SPG11: variants seen among roughly 807,000 people sequenced by gnomAD.
The protein encoded by SPG11 is spatacsin.
A neutral mutation model predicts 274.0 loss-of-function variants in SPG11; 222 were observed. That is an observed-to-expected ratio of 0.81 (90% confidence interval 0.73 to 0.91). SPG11 has a LOEUF of 0.91. Ranked by LOEUF, SPG11 falls within the 40% of genes least tolerant of loss-of-function variation. The pLI is 0.00. For synonymous variants in SPG11, 1,144 were observed against 1,039.7 expected (o/e 1.10, Z -1.93); for missense variants, 3,114 against 2,872.7 (o/e 1.08, Z -1.92).
rs1295571112 is a variant in SPG11, at chr15:44,636,940, AAAAAAAAAAAAAAAAAAC to A, written c.1603-3321_1603-3304del. Among the ~76,000 whole-genome samples the A allele has an allele frequency of 7.2e-4, 84 of 116,524 alleles. 1 individual carries two copies. Among genetic ancestry groups the A allele is most frequent in the Non-Finnish European group, 9.9e-4 (55 of 55,806 alleles). The allele number at this position is 116,524 out of a possible 152,430, so 76.4% of individuals were successfully genotyped here. On this transcript the variant is annotated intron_variant, in intron 7 of 39. Coordinates refer to ENST00000261866, the MANE Select transcript of SPG11 (RefSeq NM_025137.4). ...GACTCCATCTCAAAAAAAAAAAAAA[AAAAAAAAAAAAAAAAAAC>A]AAAAAAAAAACACAAATGTGGTAAA... is the stretch of plus-strand genomic sequence containing the variant.
intron 18 of SPG11, 129 bp from the exon 19 acceptor site, chr15:44,608,734 A>T: frequency 1.2e-6 from 1 of 817,734 alleles, no homozygotes; most frequent in Middle Eastern, 3.6e-4. Flanking sequence ...ATAGCATTAG[A>T]CAAGTAGTCA....
intron 33 of SPG11, among the ~76,000 whole-genome samples, 199 bp from the exon 34 acceptor site, chr15:44,570,857 A>G (rs900108007): frequency 2.0e-5 from 3 of 152,176 alleles, no homozygotes; most frequent in African/African-American, 7.2e-5. Flanking sequence ...TCATTCTCTC[A>G]GTCATGGCAC....
chr15:44,659,009 TA>T (rs1370550203), intron 3 of SPG11, 69 bp downstream of exon 3: 2 of 1,488,766 alleles, frequency 1.3e-6, no homozygotes, highest in Non-Finnish European at 1.9e-6. Context: ...AACTAAAGCC[TA>T]AAAAGGCTCA....
rs183402495 is a variant in SPG11 at position 44,641,452 on chromosome 15, C to T, written c.1602+7414G>A. Among the ~76,000 whole-genome samples, 9 of 152,012 alleles carry T rather than the reference C, an allele frequency of 5.9e-5. No homozygotes were observed. In the East Asian group the frequency reaches 1.7e-3, roughly 29 times the overall value. On this transcript the variant is annotated intron_variant, in intron 7 of 39. Coordinates refer to ENST00000261866, the MANE Select transcript of SPG11 (RefSeq NM_025137.4). ...GCCACAGACTAGAATACATCCACCA[C>T]ACAAACAACAAAGAATTGGTATCTA...
chr15:44,644,408 T>C (rs565553284), intron 7 of SPG11, among the ~76,000 whole-genome samples: 2 of 152,228 alleles, frequency 1.3e-5, no homozygotes, highest in East Asian at 1.9e-4. Context: ...AAACTAGGCA[T>C]TGAAGAAACA....
rs8039754 is a variant in SPG11 at position 44,576,635 on chromosome 15, C to T, written c.5867-1594G>A. On this transcript the variant is annotated intron_variant, in intron 30 of 39. Transcript: ENST00000261866. ...CTGCACTCCAGCCTGGGCGACAGAG[C>T]GAGACTCTGTCTCAAAAAAAAAAGA... Among the ~76,000 whole-genome samples the T allele has an allele frequency of 7.7e-3, 1,131 of 147,370 alleles. 15 individuals are homozygous for T. Among genetic ancestry groups the T allele is most frequent in the African/African-American group, 0.026 (1,035 of 39,912 alleles).
intron 7 of SPG11, among the ~76,000 whole-genome samples, chr15:44,640,026 C>A (rs999113586): frequency 4.6e-5 from 7 of 151,998 alleles, no homozygotes; most frequent in Non-Finnish European, 1.0e-4. Flanking sequence ...CTGGCTAACA[C>A]AGTGAAACCC....
At chr15:44,641,887 A>G (rs187816843) in intron 7 of SPG11, among the ~76,000 whole-genome samples, 1 of 149,512 alleles carries the variant, frequency 6.7e-6, no homozygotes, top group Admixed American at 6.7e-5. Context: ...GCTGCAGCAG[A>G]TACATGAGAA....
At chr15:44,654,089 G>A (rs773447249) in intron 4 of SPG11, among the ~76,000 whole-genome samples, 1 of 152,134 alleles carries the variant, frequency 6.6e-6, no homozygotes, top group African/African-American at 2.4e-5. Flanking sequence ...GAGTAGCTGA[G>A]ACCACAGGCA....
chr15:44,661,907 T>C (rs2085119736), intron 1 of SPG11, among the ~76,000 whole-genome samples: 1 of 152,188 alleles, frequency 6.6e-6, no homozygotes, highest in Non-Finnish European at 1.5e-5. Flanking sequence ...TTAACTGAAT[T>C]AAAATTCAAT....
intron 4 of SPG11, among the ~76,000 whole-genome samples, chr15:44,652,683 C>A (rs963648036): frequency 1.3e-5 from 2 of 148,294 alleles, no homozygotes; most frequent in Middle Eastern, 3.5e-3. Context: ...GAGACAGAGT[C>A]TCACTCTGTC....
chr15:44,641,773 T>C (rs1332117359), intron 7 of SPG11, among the ~76,000 whole-genome samples: 1 of 151,856 alleles, frequency 6.6e-6, no homozygotes, highest in Non-Finnish European at 1.5e-5. Context: ...CATAAACTGA[T>C]AAAACAATCT....
chr15:44,592,078 T>A (rs2082913868), intron 27 of SPG11, among the ~76,000 whole-genome samples: 1 of 145,586 alleles, frequency 6.9e-6, no homozygotes, highest in Non-Finnish European at 1.5e-5. Flanking sequence ...GCCACCGCAC[T>A]CCAGCCTGGG....
chr15:44,646,275 T>C (rs1346224958), intron 7 of SPG11, among the ~76,000 whole-genome samples: 19 of 152,194 alleles, frequency 1.2e-4, no homozygotes. Flanking sequence ...AGTGTATTAG[T>C]AGTCTGTTCT....
At chr15:44,633,430 C>A (rs2141056332) in intron 8 of SPG11, 75 bp downstream of exon 8, 1 of 1,044,774 alleles carries the variant, frequency 9.6e-7, no homozygotes, top group Non-Finnish European at 1.3e-6. Context: ...CATCAGAAAA[C>A]ACAACATCAT....
At chr15:44,580,332 G>GTT (rs1365073793) in intron 30 of SPG11, among the ~76,000 whole-genome samples, 1 of 152,188 alleles carries the variant, frequency 6.6e-6, no homozygotes, top group Admixed American at 6.5e-5. Flanking sequence ...GCTCTAAGAT[G>GTT]TTTACACAGT....
chr15:44,609,735 C>CAT (rs1296351177), intron 18 of SPG11, among the ~76,000 whole-genome samples: 5 of 140,864 alleles, frequency 3.5e-5, no homozygotes, highest in South Asian at 2.2e-4. Flanking sequence ...CCCCGCCCAG[C>CAT]TTTTTTTTTT....
At chr15:44,605,319 T>C (rs1326319343) in intron 20 of SPG11, among the ~76,000 whole-genome samples, 2 of 152,206 alleles carry the variant, frequency 1.3e-5, no homozygotes, top group East Asian at 1.9e-4. Context: ...AAATTCTATA[T>C]ATCAAAATTC....
intron 15 of SPG11, among the ~76,000 whole-genome samples, chr15:44,616,351 A>G (rs2083593468): frequency 2.6e-5 from 4 of 151,988 alleles, no homozygotes; most frequent in Admixed American, 2.6e-4. Flanking sequence ...GACGACAGGC[A>G]TGTGCCACCA....
Sources: allele counts gnomAD v4.1 joint callset (sites outside exome capture counted in the v4.1 genomes callset), GRCh38; gene constraint gnomAD v4.1.1; transcripts MANE v1.5; gene names NCBI Gene and HGNC (gene_info 2026-07-23, HGNC 2026-07-21).